The following AFDN variants were observed in gnomAD, a reference collection of about 807,000 sequenced individuals.
AFDN encodes afadin, adherens junction formation factor, also known as afadin.
AFDN carries 68 observed loss-of-function variants against 216.6 expected under a neutral mutation model. That is an observed-to-expected ratio of 0.31 (90% CI 0.26 to 0.38). The LOEUF is 0.38. Ranked by LOEUF, AFDN falls within the 10% of genes least tolerant of loss-of-function variation. AFDN has a pLI of 1.00. For synonymous variants in AFDN, 868 were observed against 853.7 expected (o/e 1.02, Z -0.29); for missense variants, 2,136 against 2,342.0 (o/e 0.91, Z 1.82).
intron 1 of AFDN, among the ~76,000 whole-genome samples, chr6:167,857,624 A>C (rs1181506820): frequency 6.6e-6 from 1 of 152,082 alleles, no homozygotes; most frequent in Non-Finnish European, 1.5e-5. Flanking sequence ...ATTTCCAATA[A>C]ATACATCCTT....
chr6:167,867,376 T>G (rs568731343), intron 2 of AFDN, among the ~76,000 whole-genome samples: 2 of 152,288 alleles, frequency 1.3e-5, no homozygotes, highest in East Asian at 3.9e-4. Flanking sequence ...ATTTCTGTAT[T>G]TTGATAACTA....
intron 23 of AFDN, chr6:167,932,803 C>G (rs1793477531): frequency 6.6e-6 from 1 of 152,036 alleles, no homozygotes; most frequent in African/African-American, 2.4e-5. Flanking sequence ...CTCGTGCTCA[C>G]TGTGGTCTTG....
Position 167,946,574 on chromosome 6 carries a change from T to G in AFDN, c.3359-133T>G, listed in dbSNP as rs1372371057. On this transcript the variant is annotated intron_variant, in intron 26 of 33. Coordinates refer to ENST00000683244, the MANE Select transcript of AFDN (RefSeq NM_001386888.1). ...TCAGTATATTTACTTAAAAGCTGTT[T>G]TATGATTCTGTAGGAAGAATTGACC... 4 of 686,838 alleles carry G rather than the reference T, an allele frequency of 5.8e-6. No homozygotes were observed. The South Asian group carries it at 8.5e-5, about 15-fold the overall frequency. 42.5% of individuals were successfully genotyped at this position (686,838 alleles called of 1,614,324 possible).
At chr6:167,872,122 C>T (rs934338760) in intron 3 of AFDN, 92 bp from the exon 4 acceptor site, 10 of 1,166,038 alleles carry the variant, frequency 8.6e-6, no homozygotes, top group East Asian at 2.4e-5. Flanking sequence ...TTCACATGTT[C>T]GGCAGCATGT....
chr6:167,930,142 C>A (rs1793099672), intron 23 of AFDN, among the ~76,000 whole-genome samples: 9 of 152,120 alleles, frequency 5.9e-5, no homozygotes, highest in Admixed American at 5.9e-4. Context: ...GAGGCTGAGG[C>A]TGTGGTGAAC....
chr6:167,872,250 G>C lies in AFDN; in HGVS notation c.451G>C (p.Glu151Gln). ...QSNGPEKQEKEGVIQNFKRTL... is the reference protein window; with the variant it reads ...QSNGPEKQEKQGVIQNFKRTL... ...TAATGGACCTGAAAAGCAGGAAAAAGAAGGGGTTATCCAGAACTTCAAGAG... is the reference window on the plus strand; with the variant it reads ...TAATGGACCTGAAAAGCAGGAAAAACAAGGGGTTATCCAGAACTTCAAGAG... Residue 151 changes from glutamate (E) to glutamine (Q), a missense_variant, in exon 4 of 34, where the codon GAA becomes CAA. Transcript: ENST00000683244. 1.2e-6 allele frequency: 2 copies of C among 1,612,460 alleles called. No homozygotes were observed. Among genetic ancestry groups the C allele is most frequent in the Non-Finnish European group, 1.7e-6 (2 of 1,179,620 alleles).
At chr6:167,944,998 A>AT (rs1173125549) in intron 26 of AFDN, among the ~76,000 whole-genome samples, 1 of 152,028 alleles carries the variant, frequency 6.6e-6, no homozygotes, top group Non-Finnish European at 1.5e-5. Context: ...TATTTCTTTA[A>AT]TAGTAAATTA....
intron 1 of AFDN, among the ~76,000 whole-genome samples, chr6:167,840,703 C>T (rs1303792552): frequency 6.6e-6 from 1 of 152,174 alleles, no homozygotes; most frequent in Non-Finnish European, 1.5e-5. Context: ...TGCAAGTGTA[C>T]ATACTAGTTG....
intron 21 of AFDN, 100 bp downstream of exon 21, chr6:167,919,033 G>T (rs1791459446): frequency 1.0e-6 from 1 of 962,458 alleles, no homozygotes; most frequent in African/African-American, 1.6e-5. Context: ...GTGTGGGAGT[G>T]CACCCTCGTG....
chr6:167,966,375 T>C lies in AFDN; in HGVS notation c.5257+330T>C, dbSNP rs1797565790. 2.9e-5 allele frequency: 31 copies of C among 1,062,814 alleles called. No individual in the cohort carries two copies. In the South Asian group the frequency reaches 5.0e-4, roughly 17 times the overall value. The allele number at this position is 1,062,814 out of a possible 1,614,324, so 65.8% of individuals were successfully genotyped here. On this transcript the variant is annotated intron_variant, in intron 32 of 33. Transcript: ENST00000683244. ...TAGTATGGTCCATGGCGATCATACT[T>C]GCCTTGGAATTTGGATGTCATGTGA...
At position 167,914,171 on chromosome 6, in the gene AFDN, CAGA is replaced by C. The variant is rs1790757358; in HGVS notation, c.2067_2069del (p.Lys689del). The C allele has an allele frequency of 6.2e-7, 1 of 1,613,738 alleles. No homozygotes were observed. The highest frequency in any genetic ancestry group is 8.5e-7 in the Non-Finnish European group (1 of 1,179,938). ...TGGAAGTGTGTTCTGTCTACAGAAA[CAGA>C]AGAATATTGCAGGGGCACTTGCCTT... On this transcript the variant is annotated inframe_deletion, in exon 17 of 34. Coordinates refer to ENST00000683244, the MANE Select transcript of AFDN (RefSeq NM_001386888.1).
chr6:167,961,753 G>GC (rs1486282882), intron 30 of AFDN, among the ~76,000 whole-genome samples: 1 of 152,210 alleles, frequency 6.6e-6, no homozygotes, highest in Non-Finnish European at 1.5e-5. Flanking sequence ...ACAGAAGAGA[G>GC]CCGAGATAGG....
Position 167,857,264 on chromosome 6 carries a change from G to A in AFDN, c.106-7287G>A, listed in dbSNP as rs543976505. Among the ~76,000 whole-genome samples, 17 of 151,864 alleles carry A rather than the reference G, an allele frequency of 1.1e-4. No individual in the cohort carries two copies. The South Asian group carries it at 3.5e-3, about 32-fold the overall frequency. ...GTTGATATTAGAGAGTGAGAGAGAG[G>A]GTTACCAGGTTTGTAGTTCAGGGAA... On this transcript the variant is annotated intron_variant, in intron 1 of 33. Coordinates refer to ENST00000683244, the MANE Select transcript of AFDN (RefSeq NM_001386888.1).
intron 12 of AFDN, among the ~76,000 whole-genome samples, chr6:167,904,461 C>T (rs1171221931): frequency 2.6e-5 from 4 of 152,160 alleles, no homozygotes; most frequent in Non-Finnish European, 5.9e-5. Flanking sequence ...CTGCCTGCCT[C>T]GGCTTCCCAA....
At chr6:167,921,047 C>G (rs1047882885) in intron 21 of AFDN, among the ~76,000 whole-genome samples, 1 of 152,240 alleles carries the variant, frequency 6.6e-6, no homozygotes, top group Non-Finnish European at 1.5e-5. Flanking sequence ...TGCACTTTCT[C>G]TGATCCTCAG....
At position 167,907,285 on chromosome 6, in the gene AFDN, A is replaced by T; in HGVS notation, c.1765A>T (p.Ser589Cys). 6.2e-7 allele frequency: 1 copy of T among 1,612,178 alleles called. No individual in the cohort carries two copies. The highest frequency in any genetic ancestry group is 8.5e-7 in the Non-Finnish European group (1 of 1,178,216). ...GCAGCCAGATTATCGCAGGCAAGAA[A>T]GCAGGTAGGAAACACATCATTTTTC... Reference protein sequence around the residue: ...EQQPDYRRQESRTQDASGPEL... With the variant: ...EQQPDYRRQECRTQDASGPEL... Residue 589 changes from serine to cysteine, a missense_variant, in exon 13 of 34, where the codon AGC (serine) becomes TGC (cysteine). Physicochemically the swap from Ser to Cys is moderately radical, Grantham distance 112. Around this residue, in one of 8 missense-constraint regions of AFDN, gnomAD observed 817 missense variants for 965.7 expected, o/e 0.85. Coordinates refer to ENST00000683244, the MANE Select transcript of AFDN (RefSeq NM_001386888.1).
chr6:167,961,154 G>A (rs1311173528), intron 30 of AFDN, among the ~76,000 whole-genome samples: 1 of 152,060 alleles, frequency 6.6e-6, no homozygotes. Context: ...TAGACAAACT[G>A]GTAATTCTGT....
intron 2 of AFDN, among the ~76,000 whole-genome samples, chr6:167,865,408 G>C (rs1166952356): frequency 1.3e-5 from 2 of 151,894 alleles, no homozygotes; most frequent in African/African-American, 4.8e-5. Context: ...GAGGTGGGAA[G>C]ATTGCTTGAG....
In AFDN at chr6:167,936,222, G is replaced by GA. The variant is rs551116195; in HGVS notation, c.3100-6905dup. Among the ~76,000 whole-genome samples the GA allele has an allele frequency of 6.4e-4, 97 of 152,264 alleles. No homozygotes were observed. The Middle Eastern group carries it at 0.01, about 16-fold the overall frequency. ...CCTGTGGCCTGCCTACTGCCATACT[G>GA]AACAGCACAGTGTTTAATGCCGTTT... is the stretch of plus-strand genomic sequence containing the variant. On this transcript the variant is annotated intron_variant, in intron 23 of 33. Coordinates refer to ENST00000683244, the MANE Select transcript of AFDN (RefSeq NM_001386888.1).
Sources: allele counts gnomAD v4.1 joint callset (sites outside exome capture counted in the v4.1 genomes callset), GRCh38; gene constraint gnomAD v4.1.1; regional missense constraint gnomAD v4.1.1; transcripts MANE v1.5; gene names NCBI Gene and HGNC (gene_info 2026-07-23, HGNC 2026-07-21).